CORO6: variants seen among roughly 807,000 people sequenced by gnomAD.
CORO6 encodes coronin-6.
CORO6 carries 43 observed loss-of-function variants against 49.0 expected under a neutral mutation model. The ratio of observed to expected loss-of-function variants is 0.88; its 90% CI spans 0.69 to 1.13. CORO6 has a LOEUF of 1.13. Among genes scored for constraint, CORO6 ranks in the 50% most tolerant of loss-of-function variants. CORO6 has a pLI of 0.00. For missense variants in CORO6, 650 were observed against 647.0 expected, an observed-to-expected ratio of 1.00 and a Z score of -0.05; for synonymous variants, 233 against 256.5, an observed-to-expected ratio of 0.91 and a Z score of 0.88.
chr17:29,617,528 C>G lies in CORO6; in HGVS notation c.725G>C (p.Ser242Thr), dbSNP rs770663335. ...HIFTTGFTRM[S>T]QRELGLWDPN... ...GTCCCACAGGCCCAGCTCTCGCTGG[C>G]TCATGCGGGTGAAGCCCGTGGTGAA... Residue 242 changes from serine (S) to threonine (T), a missense_variant, in exon 6 of 11, where the codon AGC becomes ACC. Coordinates refer to ENST00000388767, the MANE Select transcript of CORO6 (RefSeq NM_032854.4). The G allele has an allele frequency of 1.9e-6, 3 of 1,611,158 alleles. No homozygotes were observed. The East Asian group carries it at 6.7e-5, about 36-fold the overall frequency.
chr17:29,617,226 TC>T (rs1339695152), intron 6 of CORO6, 184 bp from the exon 7 acceptor site: 3 of 1,536,244 alleles, frequency 2.0e-6, no homozygotes, highest in Admixed American at 3.9e-5. Flanking sequence ...TAGCTCCTCC[TC>T]CCCTGCACAT....
Position 29,615,699 on chromosome 17 carries a change from C to A in CORO6, c.*33G>T, listed in dbSNP as rs1453249557. 2.0e-6 allele frequency: 3 copies of A among 1,469,732 alleles called. No individual in the cohort carries two copies. The African/African-American group carries it at 4.3e-5, about 21-fold the overall frequency. 91.0% of individuals were successfully genotyped at this position (1,469,732 alleles called of 1,614,324 possible). On this transcript the variant is annotated 3_prime_UTR_variant, in exon 11 of 11. Coordinates refer to ENST00000388767, the MANE Select transcript of CORO6 (RefSeq NM_032854.4). ...GCCGGGGCGGGGCCGAGCTTGTGCGCCCCGCCCCGCTCCGCCTGCCTGGCG... is the reference window on the plus strand; with the variant it reads ...GCCGGGGCGGGGCCGAGCTTGTGCGACCCGCCCCGCTCCGCCTGCCTGGCG...
Position 29,616,836 on chromosome 17 carries a change from G to A in CORO6, c.870C>T (p.Ser290=), listed in dbSNP as rs750370647. Residue 290 remains serine (S), a synonymous_variant, in exon 8 of 11, where the codon AGC becomes AGT. Coordinates refer to ENST00000388767, the MANE Select transcript of CORO6 (RefSeq NM_032854.4). This position sits in a 1 kb window ranked among gnomAD's most constrained non-coding sequence, Gnocchi z 5.6. ...CGTCGGTAATCTCAAAGTACCGAAT[G>A]CTGCTGTCGCCCTGCAAAATCAGTC... is the stretch of plus-strand genomic sequence containing the variant. ...IVYLCGKGDS[S]IRYFEITDEP... 5.0e-6 allele frequency: 8 copies of A among 1,613,340 alleles called. No homozygotes were observed. The South Asian group carries it at 7.7e-5, about 15-fold the overall frequency.
In CORO6 at chr17:29,621,526, G is replaced by A. The variant is rs543823447; in HGVS notation, c.-63-42C>T. On this transcript the variant is annotated intron_variant, in intron 1 of 10. Coordinates refer to ENST00000388767, the MANE Select transcript of CORO6 (RefSeq NM_032854.4). The surrounding 1 kb of genome is among the most constrained non-coding windows in gnomAD (Gnocchi z 4.2). ...GAGTGGAGGGGTGGCTGATGAGAAGGGTTATGTGGTCAGGAGTCAGGTATA... is the reference window on the plus strand; with the variant it reads ...GAGTGGAGGGGTGGCTGATGAGAAGAGTTATGTGGTCAGGAGTCAGGTATA... 1.7e-3 allele frequency: 2,570 copies of A among 1,522,144 alleles called. 6 individuals carry two copies. The highest frequency in any genetic ancestry group is 2.1e-3 in the Non-Finnish European group (2,324 of 1,130,876). The allele number at this position is 1,522,144 out of a possible 1,614,324, so 94.3% of individuals were successfully genotyped here.
At chr17:29,620,168 A>G (rs756058918) in intron 2 of CORO6, among the ~76,000 whole-genome samples, 1 of 152,214 alleles carries the variant, frequency 6.6e-6, no homozygotes. Flanking sequence ...GTAGTGCTGG[A>G]CAGCCCTTTC....
In CORO6 at chr17:29,616,171, T is replaced by C. The variant is rs2034887754; in HGVS notation, c.1067A>G (p.Asp356Gly). 6.2e-7 allele frequency: 1 copy of C among 1,612,660 alleles called. No individual in the cohort carries two copies. Among genetic ancestry groups the C allele is most frequent in the East Asian group, 2.2e-5 (1 of 44,834 alleles). Residue 356 changes from aspartate (D) to glycine (G), a missense_variant, in exon 10 of 11, where the codon GAC becomes GGC. Asp to Gly is a moderately conservative substitution (Grantham distance 94). Coordinates refer to ENST00000388767, the MANE Select transcript of CORO6 (RefSeq NM_032854.4). This position sits in a 1 kb window ranked among gnomAD's most constrained non-coding sequence, Gnocchi z 5.6. Reference protein sequence around the residue: ...PIIMTVPRKSDLFQDDLYPDT... With the variant: ...PIIMTVPRKSGLFQDDLYPDT... ...CGGGTACAGATCGTCCTGGAAGAGG[T>C]CTGACTGCGGGGGTGGGTGGACAGG...
intron 5 of CORO6, chr17:29,618,082 C>G (rs911499418): frequency 6.7e-6 from 10 of 1,498,756 alleles, no homozygotes; most frequent in Admixed American, 2.2e-5. Context: ...CTCACTCATC[C>G]TGCTGAAGCC....
At chr17:29,618,143 C>A in intron 5 of CORO6, 1 of 1,396,234 alleles carries the variant, frequency 7.2e-7, no homozygotes, top group South Asian at 1.5e-5. Context: ...AGCGGGCGGG[C>A]GCCCTCGTGA....
Position 29,617,314 on chromosome 17 carries a change from C to G in CORO6, c.753+186G>C, listed in dbSNP as rs1307478824. The G allele has an allele frequency of 2.0e-6, 3 of 1,526,340 alleles. No homozygotes were observed. In the South Asian group the frequency reaches 3.7e-5, roughly 19 times the overall value. The allele number at this position is 1,526,340 out of a possible 1,614,324, so 94.5% of individuals were successfully genotyped here. A position where few individuals can be genotyped will look rare whatever the true frequency, so the allele number is the denominator to read the frequency against. ...GCATCACCAGGTGGGGGCGCCAGCG[C>G]AGGATCCTTCACGCGACGCAGCAAA... On this transcript the variant is annotated intron_variant, in intron 6 of 10. Coordinates refer to ENST00000388767, the MANE Select transcript of CORO6 (RefSeq NM_032854.4).
intron 1 of CORO6, among the ~76,000 whole-genome samples, 177 bp downstream of exon 1, chr17:29,622,511 G>A (rs902934881): frequency 6.6e-6 from 1 of 152,230 alleles, no homozygotes; most frequent in Non-Finnish European, 1.5e-5. Context: ...CTTGCGAGAC[G>A]AGGTGTCTGC....
At position 29,616,811 on chromosome 17, in the gene CORO6, C is replaced by T. The variant is rs751078194; in HGVS notation, c.895G>A (p.Glu299Lys). The change falls in exon 8 of 11, where the codon GAG (glutamate) becomes AAG (lysine). Residue 299 changes from glutamate (E) to lysine (K), a missense_variant. Glu to Lys is a moderately conservative substitution (Grantham distance 56). Coordinates refer to ENST00000388767, the MANE Select transcript of CORO6 (RefSeq NM_032854.4). This position sits in a 1 kb window ranked among gnomAD's most constrained non-coding sequence, Gnocchi z 5.6. ...SSIRYFEITD[E>K]PPFVHYLNTF... Reference sequence around the variant, plus strand: ...TTCAGGTAGTGCACGAAAGGCGGCTCGTCGGTAATCTCAAAGTACCGAATG... The same window carrying T: ...TTCAGGTAGTGCACGAAAGGCGGCTTGTCGGTAATCTCAAAGTACCGAATG... 3.7e-6 allele frequency: 6 copies of T among 1,613,604 alleles called. No homozygotes were observed. The South Asian group carries it at 4.4e-5, about 12-fold the overall frequency.
In CORO6 at chr17:29,617,682, G is replaced by A. The variant is rs1033128891; in HGVS notation, c.634-63C>T. ...CTGCCTGCCCTGAGGAGCATGGAGGGATGAGCAACCAGCTTGCTGACTTGG... is the reference window on the plus strand; with the variant it reads ...CTGCCTGCCCTGAGGAGCATGGAGGAATGAGCAACCAGCTTGCTGACTTGG... On this transcript the variant is annotated intron_variant, in intron 5 of 10. Coordinates refer to ENST00000388767, the MANE Select transcript of CORO6 (RefSeq NM_032854.4). The A allele has an allele frequency of 9.5e-6, 14 of 1,476,436 alleles. No individual in the cohort carries two copies. The African/African-American group carries it at 1.5e-4, about 16-fold the overall frequency. The allele number at this position is 1,476,436 out of a possible 1,614,324, so 91.5% of individuals were successfully genotyped here.
intron 5 of CORO6, chr17:29,618,179 G>T: frequency 7.4e-7 from 1 of 1,358,796 alleles, no homozygotes; most frequent in Non-Finnish European, 9.4e-7. Context: ...TGCTCGCCGG[G>T]TTAGTGGGTT....
chr17:29,617,075 C>T lies in CORO6; in HGVS notation c.754-33G>A, dbSNP rs1331617224. On this transcript the variant is annotated intron_variant, in intron 6 of 10. Coordinates refer to ENST00000388767, the MANE Select transcript of CORO6 (RefSeq NM_032854.4). ...AGCACAGGAGGCGTGACCAGCCCTG[C>T]CCCACCCTCCCGTGCTACTTCGGGA... The T allele has an allele frequency of 4.4e-6, 7 of 1,601,882 alleles. No homozygotes were observed. In the African/African-American group the frequency reaches 5.3e-5, roughly 12 times the overall value.
At position 29,622,854 on chromosome 17, in the gene CORO6, C is replaced by G. The variant is rs1291464741; in HGVS notation, c.-230G>C. On this transcript the variant is annotated 5_prime_UTR_variant, in exon 1 of 11. Coordinates refer to ENST00000388767, the MANE Select transcript of CORO6 (RefSeq NM_032854.4). ...CTCCGCACTCTGGCCGATCCTGCGGCTCTCTAGAGCCCGGCGCCGCTGCAG... is the reference window on the plus strand; with the variant it reads ...CTCCGCACTCTGGCCGATCCTGCGGGTCTCTAGAGCCCGGCGCCGCTGCAG... 8 of 1,301,426 alleles carry G rather than the reference C, an allele frequency of 6.1e-6. No individual in the cohort carries two copies. Among genetic ancestry groups the G allele is most frequent in the Non-Finnish European group, 6.1e-6 (6 of 989,490 alleles). The allele number at this position is 1,301,426 out of a possible 1,614,324, so 80.6% of individuals were successfully genotyped here.
At position 29,615,593 on chromosome 17, in the gene CORO6, C is replaced by T. The variant is rs1011197707; in HGVS notation, c.*139G>A. ...CCCTAAGCTCCAAGAGTTCTGGTCT[C>T]CCGCGAGGGGCGGAGTTCCCTCCCC... On this transcript the variant is annotated 3_prime_UTR_variant, in exon 11 of 11. Transcript: ENST00000388767. 1.1e-6 allele frequency: 1 copy of T among 944,576 alleles called. No homozygotes were observed. Among genetic ancestry groups the T allele is most frequent in the African/African-American group, 1.7e-5 (1 of 58,752 alleles). 58.5% of individuals were successfully genotyped at this position (944,576 alleles called of 1,614,324 possible).
At chr17:29,619,260 T>A (rs1320054033) in intron 3 of CORO6, 71 bp from the exon 4 acceptor site, 2 of 1,387,530 alleles carry the variant, frequency 1.4e-6, no homozygotes, top group African/African-American at 2.9e-5. Context: ...CTTCCCTACC[T>A]TTTTTTTTAA....
At chr17:29,620,514 A>G (rs2035255295) in intron 2 of CORO6, among the ~76,000 whole-genome samples, 1 of 151,842 alleles carries the variant, frequency 6.6e-6, no homozygotes, top group Non-Finnish European at 1.5e-5. Context: ...CCTCTTCCTG[A>G]CCCCGCCACC....
At position 29,619,772 on chromosome 17, in the gene CORO6, G is replaced by A; in HGVS notation, c.200C>T (p.Thr67Ile). 6.2e-7 allele frequency: 1 copy of A among 1,606,398 alleles called. No homozygotes were observed. The highest frequency in any genetic ancestry group is 8.5e-7 in the Non-Finnish European group (1 of 1,173,500). The change falls in exon 3 of 11, where the codon ACA (threonine) becomes ATA (isoleucine). Residue 67 changes from threonine to isoleucine, a missense_variant and splice_region_variant. By Grantham distance (89) the Thr-to-Ile change is moderately conservative (BLOSUM62 -1). Coordinates refer to ENST00000388767, the MANE Select transcript of CORO6 (RefSeq NM_032854.4). ...TGGGTAGTTCTTATCCACTCGCCCT[G>A]TCTGAGGGGTTGGAGAAGAAGATGT... ...GAFIVLPLAKTGRVDKNYPLV... is the reference protein window; with the variant it reads ...GAFIVLPLAKIGRVDKNYPLV...
Sources: allele counts gnomAD v4.1 joint callset (sites outside exome capture counted in the v4.1 genomes callset), GRCh38; gene constraint gnomAD v4.1.1; non-coding constraint Gnocchi (gnomAD v3.1); transcripts MANE v1.5; gene names NCBI Gene and HGNC (gene_info 2026-07-23, HGNC 2026-07-21).